MBD5: variants seen among roughly 807,000 people sequenced by gnomAD.
The protein encoded by MBD5 is methyl-CpG-binding domain protein 5.
In MBD5, 13 loss-of-function variants were observed where a neutral mutation model predicts 117.3. The ratio of observed to expected loss-of-function variants is 0.11; its 90% CI spans 0.07 to 0.18. MBD5 has a LOEUF of 0.18. MBD5 is among the 10% of genes least tolerant of loss of function. The pLI is 1.00. For synonymous variants in MBD5, 727 were observed against 766.4 expected (o/e 0.95, Z 0.85); for missense variants, 1,879 against 2,093.8 (o/e 0.90, Z 2.00).
chr2:148,435,973 G>C (rs1021481327), intron 4 of MBD5, among the ~76,000 whole-genome samples: 6 of 152,214 alleles, frequency 3.9e-5, no homozygotes, highest in African/African-American at 1.2e-4. Context: ...ATCAGAATAT[G>C]TTCTTCAAGT....
At chr2:148,226,180 G>C (rs1025979948) in intron 2 of MBD5, among the ~76,000 whole-genome samples, 1 of 151,426 alleles carries the variant, frequency 6.6e-6, no homozygotes, top group Non-Finnish European at 1.5e-5. Context: ...TGTTATGTAT[G>C]TTCATATGTG....
intron 3 of MBD5, among the ~76,000 whole-genome samples, chr2:148,269,695 A>G (rs1408069991): frequency 3.0e-5 from 4 of 133,518 alleles, no homozygotes; most frequent in East Asian, 4.3e-4. Flanking sequence ...TTAGTGTAGT[A>G]TACTTGGCAT....
chr2:148,516,700 A>G lies in MBD5; in HGVS notation c.*3759A>G, dbSNP rs923797442. The G allele has an allele frequency of 6.6e-6, 1 of 152,260 alleles. No homozygotes were observed. The highest frequency in any genetic ancestry group is 1.5e-5 in the Non-Finnish European group (1 of 68,036). 9.4% of individuals were successfully genotyped at this position (152,260 alleles called of 1,614,324 possible). A position where few individuals can be genotyped will look rare whatever the true frequency, so the allele number is the denominator to read the frequency against. ...GTGGGGAGTCTGATATAGAAAAAATATATAAAAAGCATTATCTTCAAATAT... is the reference window on the plus strand; with the variant it reads ...GTGGGGAGTCTGATATAGAAAAAATGTATAAAAAGCATTATCTTCAAATAT... On this transcript the variant is annotated 3_prime_UTR_variant, in exon 14 of 14. Coordinates refer to ENST00000642680, the MANE Select transcript of MBD5 (RefSeq NM_001378120.1).
In MBD5 at chr2:148,388,186, T is replaced by TC. The variant is rs561197515; in HGVS notation, c.-557+45852dup. Among the ~76,000 whole-genome samples the TC allele has an allele frequency of 1.1e-4, 17 of 152,292 alleles. No homozygotes were observed. In the South Asian group the frequency reaches 2.7e-3, roughly 24 times the overall value. The stretch of plus-strand genomic sequence containing the variant: ...CCTAAATATGTGGTAAAAGTTTTTT[T>TC]CCACACAAAGGAATGGCGAATATAA... On this transcript the variant is annotated intron_variant, in intron 4 of 13. Transcript: ENST00000642680.
intron 1 of MBD5, among the ~76,000 whole-genome samples, chr2:148,117,538 C>G (rs1020220726): frequency 3.3e-5 from 5 of 152,048 alleles, no homozygotes; most frequent in African/African-American, 1.2e-4. Flanking sequence ...AGATGCCAGT[C>G]CAGGACATAC....
intron 3 of MBD5, among the ~76,000 whole-genome samples, chr2:148,277,835 A>G (rs1701150673): frequency 6.6e-6 from 1 of 152,202 alleles, no homozygotes; most frequent in Non-Finnish European, 1.5e-5. Context: ...AATTTAATAA[A>G]TGAATTGAAG....
intron 1 of MBD5, among the ~76,000 whole-genome samples, chr2:148,145,361 A>G (rs892295160): frequency 6.6e-6 from 1 of 152,060 alleles, no homozygotes; most frequent in African/African-American, 2.4e-5. Flanking sequence ...GAGACGATGG[A>G]GTTTTCTAAA....
At chr2:148,354,439 A>G (rs1303635977) in intron 4 of MBD5, among the ~76,000 whole-genome samples, 5 of 152,232 alleles carry the variant, frequency 3.3e-5, no homozygotes, top group African/African-American at 1.2e-4. Flanking sequence ...TGCAAAGGAC[A>G]TGAACTCATC....
intron 1 of MBD5, among the ~76,000 whole-genome samples, chr2:148,088,695 A>C (rs1213656656): frequency 6.6e-6 from 1 of 152,202 alleles, no homozygotes; most frequent in Non-Finnish European, 1.5e-5. Context: ...CACTACAAGA[A>C]ATGCTAAAAG....
At chr2:148,298,081 A>G (rs867288272) in intron 3 of MBD5, among the ~76,000 whole-genome samples, 3 of 152,204 alleles carry the variant, frequency 2.0e-5, no homozygotes, top group African/African-American at 4.8e-5. Context: ...TTCTCCCAGC[A>G]TGGAACCTGT....
At chr2:148,486,663 G>GA (rs1203085713) in intron 10 of MBD5, among the ~76,000 whole-genome samples, 1 of 151,912 alleles carries the variant, frequency 6.6e-6, no homozygotes, top group South Asian at 2.1e-4. Flanking sequence ...CAATTGATTA[G>GA]AAAAAAATTA....
intron 3 of MBD5, among the ~76,000 whole-genome samples, chr2:148,334,733 A>G (rs1212214934): frequency 6.6e-6 from 1 of 152,184 alleles, no homozygotes; most frequent in Non-Finnish European, 1.5e-5. Flanking sequence ...TACCATCTTT[A>G]TGAATAATAG....
intron 3 of MBD5, among the ~76,000 whole-genome samples, chr2:148,250,896 T>A (rs1416794442): frequency 6.6e-6 from 1 of 152,222 alleles, no homozygotes; most frequent in Non-Finnish European, 1.5e-5. Context: ...CTGCCCTATT[T>A]TGCCACTTCA....
At chr2:148,195,144 G>A (rs1205442595) in intron 2 of MBD5, among the ~76,000 whole-genome samples, 1 of 147,588 alleles carries the variant, frequency 6.8e-6, no homozygotes, top group Non-Finnish European at 1.5e-5. Flanking sequence ...ATAGGGGGTA[G>A]ACTCCTGCTA....
intron 1 of MBD5, among the ~76,000 whole-genome samples, chr2:148,058,852 G>A (rs573548874): frequency 3.3e-5 from 5 of 152,168 alleles, no homozygotes; most frequent in South Asian, 4.1e-4. Context: ...ATTTTTTTGC[G>A]TATTAAACAT....
At chr2:148,362,998 G>A (rs1183734486) in intron 4 of MBD5, among the ~76,000 whole-genome samples, 2 of 152,142 alleles carry the variant, frequency 1.3e-5, no homozygotes, top group Non-Finnish European at 2.9e-5. Context: ...CCAACACAAA[G>A]ACCAAAGGTA....
At chr2:148,174,278 T>G (rs555905126) in intron 1 of MBD5, among the ~76,000 whole-genome samples, 4 of 152,070 alleles carry the variant, frequency 2.6e-5, no homozygotes, top group Admixed American at 6.6e-5. Flanking sequence ...TGGACCCTTA[T>G]TTCACTCCAT....
In MBD5 at chr2:148,314,259, G is replaced by A. The variant is rs562819451; in HGVS notation, c.-679-27955G>A. 1.5e-4 allele frequency among the ~76,000 whole-genome samples: 23 copies of A among 150,842 alleles called. No individual in the cohort carries two copies. In the South Asian group the frequency reaches 4.9e-3, roughly 32 times the overall value. ...TTCCTCATACTATAGTTTTTCATGT[G>A]GCAAAAGGAAATTTTTTTTTTACAG... On this transcript the variant is annotated intron_variant, in intron 3 of 13. Coordinates refer to ENST00000642680, the MANE Select transcript of MBD5 (RefSeq NM_001378120.1).
intron 12 of MBD5, among the ~76,000 whole-genome samples, chr2:148,506,861 T>C (rs1344325436): frequency 6.6e-6 from 1 of 152,224 alleles, no homozygotes; most frequent in Non-Finnish European, 1.5e-5. Context: ...CCCTCTGGAC[T>C]GAAAGACTGA....
Sources: gnomAD v4.1 joint callset for allele counts (sites outside exome capture counted in the v4.1 genomes callset) on GRCh38, gnomAD v4.1.1 for gene constraint, MANE v1.5 for transcripts, NCBI Gene and HGNC (gene_info 2026-07-23, HGNC 2026-07-21) for gene names.